The following GMDS variants were observed in gnomAD, a reference collection of about 807,000 sequenced individuals.
The protein encoded by GMDS is GDP-mannose 4,6-dehydratase, also known as GDP-mannose 4,6 dehydratase.
GMDS carries 20 observed loss-of-function variants against 49.9 expected under a neutral mutation model. The observed-to-expected ratio is 0.40, with a 90% CI of 0.28 to 0.58. The LOEUF (loss-of-function observed/expected upper bound fraction) is 0.58, where lower values mean the gene tolerates loss of function less well. GMDS is among the 20% of genes least tolerant of loss of function. The pLI is 0.42. For missense variants in GMDS, 362 were observed against 481.4 expected (o/e 0.75, Z 2.32); for synonymous variants, 177 against 178.6 (o/e 0.99, Z 0.07).
intron 7 of GMDS, among the ~76,000 whole-genome samples, chr6:1,916,847 T>C (rs1174789476): frequency 1.3e-5 from 2 of 151,528 alleles, no homozygotes; most frequent in African/African-American, 2.4e-5. Flanking sequence ...CAATGGAATC[T>C]AAACCACCCA....
intron 1 of GMDS, among the ~76,000 whole-genome samples, chr6:2,208,098 T>A (rs957781082): frequency 6.6e-6 from 1 of 151,926 alleles, no homozygotes; most frequent in South Asian, 2.1e-4. Flanking sequence ...AAGCTGTGCA[T>A]AAGTTAGAAC....
In GMDS at chr6:1,651,135, T is replaced by C. The variant is rs547211095; in HGVS notation, c.988-26595A>G. Among the ~76,000 whole-genome samples, 41 of 152,308 alleles carry C rather than the reference T, an allele frequency of 2.7e-4. No individual in the cohort carries two copies. The Middle Eastern group carries it at 0.01, about 38-fold the overall frequency. On this transcript the variant is annotated intron_variant, in intron 9 of 10. Transcript: ENST00000380815. ...TGCTGAGCTGCTATCTGGATGACGATGGCCATGCTGGGCCGCAGCTCCACC... is the reference window on the plus strand; with the variant it reads ...TGCTGAGCTGCTATCTGGATGACGACGGCCATGCTGGGCCGCAGCTCCACC...
intron 6 of GMDS, among the ~76,000 whole-genome samples, chr6:1,954,274 G>T (rs7759192): frequency 1.3e-5 from 2 of 152,142 alleles, no homozygotes; most frequent in African/African-American, 4.8e-5. Flanking sequence ...ACTGAAAACC[G>T]TTAATGACCA....
chr6:2,136,696 G>A (rs544092566), intron 1 of GMDS, among the ~76,000 whole-genome samples: 5 of 152,174 alleles, frequency 3.3e-5, no homozygotes, highest in African/African-American at 1.2e-4. Flanking sequence ...ACTCAACCTG[G>A]GTGACAGAAT....
intron 7 of GMDS, among the ~76,000 whole-genome samples, chr6:1,879,974 G>A (rs1251307120): frequency 2.0e-5 from 3 of 152,084 alleles, no homozygotes; most frequent in African/African-American, 7.2e-5. Flanking sequence ...AAAGATGATA[G>A]GAGAGACAAT....
intron 4 of GMDS, among the ~76,000 whole-genome samples, chr6:1,968,988 G>A (rs1764425882): frequency 6.6e-6 from 1 of 152,006 alleles, no homozygotes; most frequent in Non-Finnish European, 1.5e-5. Flanking sequence ...TTGGCCTGGT[G>A]CGGTGGCTCA....
At chr6:2,010,033 C>T (rs568903233) in intron 4 of GMDS, among the ~76,000 whole-genome samples, 141 of 152,124 alleles carry the variant, frequency 9.3e-4, no homozygotes, top group African/African-American at 3.2e-3. Flanking sequence ...ACAAGAAAAA[C>T]ACACAGCACA....
At position 1,640,552 on chromosome 6, in the gene GMDS, T is replaced by C. The variant is rs1388065489; in HGVS notation, c.988-16012A>G. Among the ~76,000 whole-genome samples, 1 of 152,220 alleles carries C rather than the reference T, an allele frequency of 6.6e-6. No individual in the cohort carries two copies. On this transcript the variant is annotated intron_variant, in intron 9 of 10. Coordinates refer to ENST00000380815, the MANE Select transcript of GMDS (RefSeq NM_001500.4). This position sits in a 1 kb window ranked among gnomAD's most constrained non-coding sequence, Gnocchi z 4.0. ...GCTATCCCATGCCCGTGGAACATGC[T>C]GGATGTGGCTGTGCCTTCTAGGTGC...
chr6:2,039,607 GA>G (rs573049851), intron 4 of GMDS, among the ~76,000 whole-genome samples: 130 of 151,760 alleles, frequency 8.6e-4, no homozygotes, highest in African/African-American at 3.0e-3. Context: ...TTTTTTGTTA[GA>G]AATGAAGACA....
At chr6:1,710,807 T>C (rs530012305) in intron 9 of GMDS, among the ~76,000 whole-genome samples, 34 of 152,274 alleles carry the variant, frequency 2.2e-4, no homozygotes, top group South Asian at 2.1e-3. Context: ...TTATGTTCCA[T>C]TGGGGAGGGC....
intron 4 of GMDS, among the ~76,000 whole-genome samples, chr6:2,099,093 C>T (rs1480026312): frequency 1.3e-5 from 2 of 152,042 alleles, no homozygotes; most frequent in African/African-American, 4.8e-5. Flanking sequence ...TTTTTGTTCT[C>T]TAAGTCATCT....
At chr6:1,857,235 G>C (rs1757978515) in intron 7 of GMDS, among the ~76,000 whole-genome samples, 1 of 152,184 alleles carries the variant, frequency 6.6e-6, no homozygotes, top group African/African-American at 2.4e-5. Flanking sequence ...TGTAGTGAAC[G>C]TAACTGGGTT....
rs141095125 is a variant in GMDS, at chr6:1,655,911, T to C, written c.988-31371A>G. ...ATTTCTAATTTGGCCACAGTGTATATGTGTTAATGATAATGTCCTCAGAGT... is the reference window on the plus strand; with the variant it reads ...ATTTCTAATTTGGCCACAGTGTATACGTGTTAATGATAATGTCCTCAGAGT... On this transcript the variant is annotated intron_variant, in intron 9 of 10. Coordinates refer to ENST00000380815, the MANE Select transcript of GMDS (RefSeq NM_001500.4). Among the ~76,000 whole-genome samples the C allele has an allele frequency of 7.5e-4, 114 of 152,336 alleles. 1 individual carries two copies. The highest frequency in any genetic ancestry group is 2.7e-3 in the African/African-American group (111 of 41,568).
intron 7 of GMDS, among the ~76,000 whole-genome samples, chr6:1,747,931 C>T (rs1464813592): frequency 2.0e-5 from 3 of 151,864 alleles, no homozygotes; most frequent in East Asian, 1.9e-4. Context: ...AAAGATACGA[C>T]GTTACTGAAC....
intron 7 of GMDS, among the ~76,000 whole-genome samples, chr6:1,882,109 C>T (rs550581703): frequency 1.5e-4 from 23 of 152,290 alleles, no homozygotes; most frequent in African/African-American, 5.1e-4. Context: ...TGAAGGAAGG[C>T]ATGGGCTTAA....
chr6:1,924,655 G>A (rs186939274), intron 7 of GMDS, among the ~76,000 whole-genome samples: 1 of 152,280 alleles, frequency 6.6e-6, no homozygotes, highest in Admixed American at 6.5e-5. Flanking sequence ...TGTGACCATG[G>A]CAGGAACTCA....
intron 1 of GMDS, among the ~76,000 whole-genome samples, chr6:2,213,216 C>A (rs1423225880): frequency 1.3e-5 from 2 of 152,190 alleles, no homozygotes; most frequent in Non-Finnish European, 2.9e-5. Context: ...ACTGTCCTGA[C>A]TCAAGAGTCC....
At chr6:1,883,854 C>T (rs1187741687) in intron 7 of GMDS, among the ~76,000 whole-genome samples, 1 of 151,986 alleles carries the variant, frequency 6.6e-6, no homozygotes, top group Non-Finnish European at 1.5e-5. Context: ...CAGTATTAAC[C>T]AAATAAAGGG....
At chr6:1,750,891 G>A (rs1581137887) in intron 7 of GMDS, among the ~76,000 whole-genome samples, 1 of 152,140 alleles carries the variant, frequency 6.6e-6, no homozygotes, top group African/African-American at 2.4e-5. Context: ...GTGGGGGAAG[G>A]GGGGTCGCCA....
Sources: allele counts gnomAD v4.1 joint callset (sites outside exome capture counted in the v4.1 genomes callset), GRCh38; gene constraint gnomAD v4.1.1; non-coding constraint Gnocchi (gnomAD v3.1); transcripts MANE v1.5; gene names NCBI Gene and HGNC (gene_info 2026-07-23, HGNC 2026-07-21).